PTK7: variants seen among roughly 807,000 people sequenced by gnomAD.
The protein encoded by PTK7 is protein tyrosine kinase 7 (inactive), also known as inactive tyrosine-protein kinase 7.
Under a neutral mutation model 116.6 loss-of-function variants are expected in PTK7, and 39 were observed. The ratio of observed to expected loss-of-function variants is 0.33; its 90% CI spans 0.26 to 0.44. PTK7 has a LOEUF of 0.44. PTK7 is among the 20% of genes least tolerant of loss of function. PTK7 has a pLI of 1.00. For synonymous variants in PTK7, 546 were observed against 563.6 expected (o/e 0.97, Z 0.44); for missense variants, 1,169 against 1,425.6 (o/e 0.82, Z 2.90).
intron 13 of PTK7, 58 bp downstream of exon 13, chr6:43,142,357 C>T: frequency 6.2e-7 from 1 of 1,611,696 alleles, no homozygotes; most frequent in Middle Eastern, 1.6e-4. Flanking sequence ...CGTTTGTCAC[C>T]TTGTACTCAG....
intron 1 of PTK7, chr6:43,077,012 A>G (rs1224300475): frequency 1.4e-6 from 2 of 1,436,432 alleles, no homozygotes; most frequent in South Asian, 1.4e-5. Flanking sequence ...TTGGGGCCCG[A>G]TGCCGGACAG....
rs1308474372 is a variant in PTK7 at position 43,108,405 on chromosome 6, T to A, written c.80-20572T>A. ...CCACCGCGCCCGGCCAACCTTTTTT[T>A]TTTTTTCCTTTAAAGACAGGGTCTC... On this transcript the variant is annotated intron_variant, in intron 1 of 19. Transcript: ENST00000230419. Among the ~76,000 whole-genome samples, 7 of 151,352 alleles carry A rather than the reference T, an allele frequency of 4.6e-5. No individual in the cohort carries two copies. The East Asian group carries it at 1.2e-3, about 25-fold the overall frequency.
At position 43,088,125 on chromosome 6, in the gene PTK7, C is replaced by G. The variant is rs570856490; in HGVS notation, c.79+11558C>G. Among the ~76,000 whole-genome samples, 57 of 151,974 alleles carry G rather than the reference C, an allele frequency of 3.8e-4. 1 individual carries two copies. Among genetic ancestry groups the G allele is most frequent in the African/African-American group, 1.3e-3 (52 of 41,434 alleles). ...CTAGCCTGGGGAACATAGCGAGACC[C>G]CATCTCTACGGAATAGAAAATAAAA... is the stretch of plus-strand genomic sequence containing the variant. On this transcript the variant is annotated intron_variant, in intron 1 of 19. Transcript: ENST00000230419.
chr6:43,107,637 G>A (rs1176645359), intron 1 of PTK7, among the ~76,000 whole-genome samples: 1 of 152,218 alleles, frequency 6.6e-6, no homozygotes, highest in Non-Finnish European at 1.5e-5. Context: ...TCTGTCCCCA[G>A]TGTCTTATGA....
intron 1 of PTK7, among the ~76,000 whole-genome samples, chr6:43,100,931 C>T (rs1004856375): frequency 1.3e-5 from 2 of 152,100 alleles, no homozygotes; most frequent in African/African-American, 2.4e-5. Context: ...CTCTTAAAAA[C>T]GATTGAAAGA....
chr6:43,157,341 TA>T (rs1561990037), intron 17 of PTK7, among the ~76,000 whole-genome samples: 1,154 of 12,008 alleles, frequency 0.096, 156 homozygotes, highest in South Asian at 0.16. Flanking sequence ...TATATATATA[TA>T]TATATATATA....
rs58128834 is a variant in PTK7 at position 43,118,749 on chromosome 6, ATGTGTGTG to A, written c.80-10210_80-10203del. On this transcript the variant is annotated intron_variant, in intron 1 of 19. Coordinates refer to ENST00000230419, the MANE Select transcript of PTK7 (RefSeq NM_002821.5). ...TACATATATGTATATATGTGTGTGT[ATGTGTGTG>A]TGTGTGTGTGTGTGTGTATAATTTT... is the stretch of plus-strand genomic sequence containing the variant. Among the ~76,000 whole-genome samples the A allele has an allele frequency of 6.2e-4, 74 of 118,758 alleles. No individual in the cohort carries two copies. In the East Asian group the frequency reaches 9.4e-3, roughly 15 times the overall value. The allele number at this position is 118,758 out of a possible 152,430, so 77.9% of individuals were successfully genotyped here. A position where few individuals can be genotyped will look rare whatever the true frequency, so the allele number is the denominator to read the frequency against.
chr6:43,080,388 C>G (rs540414178), intron 1 of PTK7, among the ~76,000 whole-genome samples: 2 of 152,200 alleles, frequency 1.3e-5, no homozygotes, highest in South Asian at 2.1e-4. Context: ...ACTTGTAATA[C>G]CTATTACAAT....
intron 1 of PTK7, chr6:43,077,055 C>A: frequency 7.7e-7 from 1 of 1,303,436 alleles, no homozygotes; most frequent in Non-Finnish European, 9.8e-7. Context: ...AGCTTTGTTA[C>A]CTACGCCGAC....
intron 7 of PTK7, among the ~76,000 whole-genome samples, chr6:43,137,302 C>T (rs774243702): frequency 4.3e-4 from 66 of 151,908 alleles, no homozygotes; most frequent in Admixed American, 3.3e-3. Flanking sequence ...GAGGCAGTAG[C>T]GGTGGGGGTG....
At chr6:43,085,051 A>C (rs572688473) in intron 1 of PTK7, among the ~76,000 whole-genome samples, 1 of 152,324 alleles carries the variant, frequency 6.6e-6, no homozygotes, top group African/African-American at 2.4e-5. Context: ...CTGCATACCC[A>C]CATGACCCTG....
At chr6:43,157,364 A>ATATATATATATATATATATATTTT (rs70990168) in intron 17 of PTK7, among the ~76,000 whole-genome samples, 1 of 54,362 alleles carries the variant, frequency 1.8e-5, no homozygotes, top group Non-Finnish European at 3.3e-5. Context: ...ATATATATAT[A>ATATATATATATATATATATATTTT]TTTTTTTTTT....
intron 1 of PTK7, among the ~76,000 whole-genome samples, chr6:43,116,088 G>C (rs1254434844): frequency 6.6e-6 from 1 of 151,924 alleles, no homozygotes; most frequent in African/African-American, 2.4e-5. Flanking sequence ...CCTTCTCTTT[G>C]TTTGTATCCC....
chr6:43,147,038 G>A (rs1237574957), intron 17 of PTK7, among the ~76,000 whole-genome samples: 1 of 152,246 alleles, frequency 6.6e-6, no homozygotes, highest in Non-Finnish European at 1.5e-5. Context: ...CACCTGCAAT[G>A]AGCTCTGAGC....
chr6:43,085,674 C>G (rs1224775710), intron 1 of PTK7, among the ~76,000 whole-genome samples: 1 of 151,910 alleles, frequency 6.6e-6, no homozygotes, highest in Admixed American at 6.6e-5. Flanking sequence ...TGGCTCACGC[C>G]TGTAATCCCA....
intron 5 of PTK7, chr6:43,131,569 G>A (rs1392534019): frequency 1.1e-5 from 2 of 190,092 alleles, no homozygotes; most frequent in African/African-American, 4.8e-5. Context: ...GCTTCTGCAG[G>A]GGAATGCCTC....
At chr6:43,132,294 A>G in intron 6 of PTK7, 127 bp from the exon 7 acceptor site, 2 of 1,498,358 alleles carry the variant, frequency 1.3e-6, no homozygotes, top group South Asian at 1.3e-5. Flanking sequence ...GGGAGTAGGA[A>G]GAGGATATGC....
At chr6:43,099,675 G>A (rs1281370423) in intron 1 of PTK7, among the ~76,000 whole-genome samples, 1 of 152,154 alleles carries the variant, frequency 6.6e-6, no homozygotes, top group Admixed American at 6.5e-5. Context: ...AATTAGATTT[G>A]TGATCATTGT....
At chr6:43,116,649 TGTGCGCGCGCAC>T in intron 1 of PTK7, among the ~76,000 whole-genome samples, 1 of 73,570 alleles carries the variant, frequency 1.4e-5, no homozygotes, top group South Asian at 4.2e-4. Context: ...TGTGTGTGTG[TGTGCGCGCGCAC>T]GCACGCACGC....
Sources: allele counts gnomAD v4.1 joint callset (sites outside exome capture counted in the v4.1 genomes callset), GRCh38; gene constraint gnomAD v4.1.1; transcripts MANE v1.5; gene names NCBI Gene and HGNC (gene_info 2026-07-23, HGNC 2026-07-21).